Variants in ASIC2 observed in about 807,000 individuals in gnomAD.
ASIC2 encodes the protein acid-sensing ion channel 2.
In ASIC2, 25 loss-of-function variants were observed where a neutral mutation model predicts 57.3. The observed-to-expected ratio is 0.44, with a 90% CI of 0.32 to 0.61. The LOEUF (loss-of-function observed/expected upper bound fraction) is 0.61, where lower values mean the gene tolerates loss of function less well. Among genes scored for constraint, ASIC2 ranks in the 20% least tolerant of loss-of-function variants. The pLI, the probability that ASIC2 is intolerant of heterozygous loss-of-function variation, is 0.06. For missense variants in ASIC2, 641 were observed against 738.1 expected (o/e 0.87, Z 1.52); for synonymous variants, 319 against 307.5 (o/e 1.04, Z -0.39).
intron 3 of ASIC2, among the ~76,000 whole-genome samples, chr17:33,055,740 A>T (rs916293723): frequency 2.0e-5 from 3 of 152,100 alleles, no homozygotes; most frequent in Non-Finnish European, 4.4e-5. Context: ...ATTGAATCCC[A>T]GATGGCACTG....
At chr17:33,888,665 C>T (rs1360484784) in intron 1 of ASIC2, among the ~76,000 whole-genome samples, 1 of 152,072 alleles carries the variant, frequency 6.6e-6, no homozygotes, top group Non-Finnish European at 1.5e-5. Context: ...ATCTGCCCAC[C>T]AGCCTCTTAG....
intron 1 of ASIC2, chr17:34,004,288 A>C (rs1906450573): frequency 6.6e-6 from 1 of 152,260 alleles, no homozygotes. Flanking sequence ...ATCATAAACC[A>C]TCTAGGAATG....
intron 1 of ASIC2, chr17:33,624,133 G>T (rs1567672367): frequency 6.6e-6 from 1 of 152,180 alleles, no homozygotes; most frequent in Non-Finnish European, 1.5e-5. Context: ...ATTTTGTGCT[G>T]CTTGGCCTGG....
intron 1 of ASIC2, among the ~76,000 whole-genome samples, chr17:33,374,034 G>A (rs1458617832): frequency 2.0e-5 from 3 of 151,022 alleles, no homozygotes; most frequent in African/African-American, 7.3e-5. Context: ...TCACTCTTGC[G>A]GCCCAGGCTG....
At chr17:33,304,289 T>C (rs1906080638) in intron 1 of ASIC2, among the ~76,000 whole-genome samples, 1 of 152,180 alleles carries the variant, frequency 6.6e-6, no homozygotes, top group African/African-American at 2.4e-5. Flanking sequence ...ACATGAACAA[T>C]GGTCAGAAGA....
intron 3 of ASIC2, among the ~76,000 whole-genome samples, chr17:33,043,781 T>C (rs2091938895): frequency 6.6e-6 from 1 of 152,210 alleles, no homozygotes; most frequent in Non-Finnish European, 1.5e-5. Flanking sequence ...GACTGGCGTT[T>C]GGACAATCAG....
At chr17:34,143,597 A>C (rs1306423584) in intron 1 of ASIC2, among the ~76,000 whole-genome samples, 1 of 152,232 alleles carries the variant, frequency 6.6e-6, no homozygotes, top group Non-Finnish European at 1.5e-5. Context: ...GGCTCTCAGC[A>C]GACCTTTTCT....
chr17:33,489,944 C>T lies in ASIC2; in HGVS notation c.556-377877G>A, dbSNP rs185279632. ...AAGAACGCGAGCCCACTTTATTCCACGATCTTAACTGAACTACCTATTCCT... is the reference window on the plus strand; with the variant it reads ...AAGAACGCGAGCCCACTTTATTCCATGATCTTAACTGAACTACCTATTCCT... On this transcript the variant is annotated intron_variant, in intron 1 of 9. Coordinates refer to the ASIC2 transcript ENST00000359872. Among the ~76,000 whole-genome samples, 12 of 152,336 alleles carry T rather than the reference C, an allele frequency of 7.9e-5. No individual in the cohort carries two copies. The South Asian group carries it at 1.0e-3, about 13-fold the overall frequency.
intron 2 of ASIC2, among the ~76,000 whole-genome samples, chr17:33,097,306 G>C (rs532767740): frequency 6.6e-6 from 1 of 152,320 alleles, no homozygotes; most frequent in South Asian, 2.1e-4. Flanking sequence ...GATCCTGCTG[G>C]CTCCTCCCAG....
chr17:33,136,089 T>C (rs1225828852), intron 1 of ASIC2, among the ~76,000 whole-genome samples: 2 of 152,244 alleles, frequency 1.3e-5, no homozygotes, highest in African/African-American at 2.4e-5. Context: ...TGATAGAGCA[T>C]AGGGAATCTG....
intron 3 of ASIC2, among the ~76,000 whole-genome samples, chr17:33,033,910 C>G (rs749868347): frequency 6.6e-6 from 1 of 152,114 alleles, no homozygotes; most frequent in Non-Finnish European, 1.5e-5. Flanking sequence ...GCCAGAGGAC[C>G]AAGAGGTCAG....
chr17:33,946,682 T>A (rs564827547), intron 1 of ASIC2, among the ~76,000 whole-genome samples: 1 of 152,308 alleles, frequency 6.6e-6, no homozygotes, highest in Non-Finnish European at 1.5e-5. Flanking sequence ...GCTGTCCTAT[T>A]CAGAGTCTAA....
At chr17:33,463,500 C>T (rs1768930530) in intron 1 of ASIC2, among the ~76,000 whole-genome samples, 1 of 152,174 alleles carries the variant, frequency 6.6e-6, no homozygotes. Flanking sequence ...GTCTGTCAGT[C>T]AGTGAATTAG....
At position 33,950,132 on chromosome 17, in the gene ASIC2, G is replaced by A. The variant is rs1904511612; in HGVS notation, c.555+205846C>T. On this transcript the variant is annotated intron_variant, in intron 1 of 9. Transcript: ENST00000359872. ...CAGAAGCAGCTACCTCAGAGGGTGT[G>A]TTAAGAAATCCTTCAGGGTCATTGT... Among the ~76,000 whole-genome samples the A allele has an allele frequency of 3.3e-5, 5 of 152,352 alleles. No homozygotes were observed. In the South Asian group the frequency reaches 8.3e-4, roughly 25 times the overall value.
intron 1 of ASIC2, among the ~76,000 whole-genome samples, chr17:34,023,806 T>G (rs1369232516): frequency 1.3e-5 from 2 of 152,192 alleles, no homozygotes; most frequent in South Asian, 4.1e-4. Context: ...TCTCAGATAT[T>G]TTGTTTTAGC....
At chr17:33,238,360 T>C (rs924199577) in intron 1 of ASIC2, among the ~76,000 whole-genome samples, 4 of 152,246 alleles carry the variant, frequency 2.6e-5, no homozygotes, top group African/African-American at 9.6e-5. Context: ...CAGAGCAATG[T>C]TGAGGCTTTG....
intron 1 of ASIC2, among the ~76,000 whole-genome samples, chr17:33,866,765 A>G (rs377413101): frequency 2.0e-5 from 3 of 152,160 alleles, no homozygotes; most frequent in East Asian, 3.9e-4. Context: ...GGGTCCAGAG[A>G]TGCCATAGAC....
chr17:33,687,577 T>C (rs1204461670), intron 1 of ASIC2, among the ~76,000 whole-genome samples: 1 of 152,150 alleles, frequency 6.6e-6, no homozygotes, highest in Non-Finnish European at 1.5e-5. Flanking sequence ...GAACCTCCCC[T>C]CCATTCCTAT....
At chr17:33,895,232 G>A (rs1249362452) in intron 1 of ASIC2, among the ~76,000 whole-genome samples, 1 of 150,472 alleles carries the variant, frequency 6.6e-6, no homozygotes, top group African/African-American at 2.5e-5. Context: ...GCACAATCTT[G>A]GCTTACTGCA....
Sources: gnomAD v4.1 joint callset for allele counts (sites outside exome capture counted in the v4.1 genomes callset) on GRCh38, gnomAD v4.1.1 for gene constraint, MANE v1.5 for transcripts, NCBI Gene and HGNC (gene_info 2026-07-23, HGNC 2026-07-21) for gene names.